Variants in AUTS2 observed in about 807,000 individuals in gnomAD.
The protein encoded by AUTS2 is autism susceptibility gene 2 protein.
Under a neutral mutation model 112.4 loss-of-function variants are expected in AUTS2, and 17 were observed. That is an observed-to-expected ratio of 0.15 (90% CI 0.10 to 0.23). AUTS2 has a LOEUF of 0.23. AUTS2 is among the 10% of genes least tolerant of loss of function. The pLI is 1.00. For missense variants in AUTS2, 1,510 were observed against 1,701.6 expected, an observed-to-expected ratio of 0.89 and a Z score of 1.98; for synonymous variants, 751 against 702.7, an observed-to-expected ratio of 1.07 and a Z score of -1.09.
intron 5 of AUTS2, among the ~76,000 whole-genome samples, chr7:70,453,000 C>A (rs1293727667): frequency 6.6e-6 from 1 of 152,176 alleles, no homozygotes; most frequent in African/African-American, 2.4e-5. Flanking sequence ...CCTCTCTCCT[C>A]CCCTGTCCCT....
chr7:70,747,537 C>T (rs1258418574), intron 6 of AUTS2, among the ~76,000 whole-genome samples: 1 of 152,180 alleles, frequency 6.6e-6, no homozygotes, highest in Non-Finnish European at 1.5e-5. Flanking sequence ...CAGCTCACTG[C>T]GGCCTCCACC....
chr7:69,620,562 T>C (rs1793608539), intron 1 of AUTS2, among the ~76,000 whole-genome samples: 1 of 152,226 alleles, frequency 6.6e-6, no homozygotes, highest in Admixed American at 6.5e-5. Context: ...ATTTCCTTTC[T>C]GGATTACCAT....
chr7:70,142,548 T>C (rs1456539097), intron 4 of AUTS2, among the ~76,000 whole-genome samples: 1 of 152,162 alleles, frequency 6.6e-6, no homozygotes, highest in Non-Finnish European at 1.5e-5. Context: ...TTGAAAGTAA[T>C]GTATTTTAAA....
intron 6 of AUTS2, among the ~76,000 whole-genome samples, chr7:70,756,000 TTCC>T (rs1040829109): frequency 3.3e-5 from 5 of 151,974 alleles, no homozygotes; most frequent in African/African-American, 9.7e-5. Flanking sequence ...TTTTGCACTT[TTCC>T]TCCTCCTCCT....
At position 70,136,448 on chromosome 7, in the gene AUTS2, TC is replaced by T. The variant is rs1233223321; in HGVS notation, c.660+1878del. Among the ~76,000 whole-genome samples, 10 of 152,322 alleles carry T rather than the reference TC, an allele frequency of 6.6e-5. No individual in the cohort carries two copies. The East Asian group carries it at 1.9e-3, about 29-fold the overall frequency. On this transcript the variant is annotated intron_variant, in intron 4 of 18. Transcript: ENST00000342771. ...TGCCCAGTCCTCATGAAAAGTATCT[TC>T]TATTTCAACTTTCTTTCCAATAGTA... is the stretch of plus-strand genomic sequence containing the variant.
intron 10 of AUTS2, among the ~76,000 whole-genome samples, chr7:70,769,995 T>C (rs1790234119): frequency 6.6e-6 from 1 of 152,192 alleles, no homozygotes; most frequent in South Asian, 2.1e-4. Flanking sequence ...AAAGCCCACC[T>C]GGAGGCAGAA....
intron 2 of AUTS2, among the ~76,000 whole-genome samples, chr7:70,043,303 A>G (rs1330552435): frequency 2.6e-5 from 4 of 152,152 alleles, no homozygotes; most frequent in African/African-American, 4.8e-5. Context: ...TGTAAGACTT[A>G]TCTCTGTGAG....
At chr7:69,613,185 C>A (rs976611319) in intron 1 of AUTS2, among the ~76,000 whole-genome samples, 1 of 152,218 alleles carries the variant, frequency 6.6e-6, no homozygotes, top group African/African-American at 2.4e-5. Context: ...TCCCTTTACT[C>A]ATTTTCATAC....
intron 6 of AUTS2, among the ~76,000 whole-genome samples, chr7:70,735,907 A>C (rs748248197): frequency 6.6e-6 from 1 of 152,176 alleles, no homozygotes; most frequent in Non-Finnish European, 1.5e-5. Context: ...AAGTTTATCC[A>C]AATTAATTTG....
At chr7:70,444,868 C>T (rs997207590) in intron 5 of AUTS2, among the ~76,000 whole-genome samples, 1 of 152,102 alleles carries the variant, frequency 6.6e-6, no homozygotes, top group Non-Finnish European at 1.5e-5. Flanking sequence ...TCAAGGAGCC[C>T]AGTTTGGGCT....
At chr7:70,147,513 A>C (rs73160193) in intron 4 of AUTS2, among the ~76,000 whole-genome samples, 12,564 of 152,110 alleles carry the variant, frequency 0.083, 673 homozygotes, top group African/African-American at 0.14. Flanking sequence ...CTTGTAAAAT[A>C]GTTTCCATGG....
chr7:69,730,489 T>TGAGG (rs953855882), intron 1 of AUTS2, among the ~76,000 whole-genome samples: 67 of 152,260 alleles, frequency 4.4e-4, no homozygotes, highest in Middle Eastern at 6.8e-3. Context: ...TGCTGTGCTA[T>TGAGG]GAGGAAAGGT....
At chr7:70,129,030 C>A (rs1012026666) in intron 3 of AUTS2, among the ~76,000 whole-genome samples, 6 of 152,142 alleles carry the variant, frequency 3.9e-5, no homozygotes, top group Non-Finnish European at 8.8e-5. Context: ...CAAATTATGT[C>A]ATTGTATTAG....
At chr7:70,067,683 A>G (rs540173525) in intron 2 of AUTS2, among the ~76,000 whole-genome samples, 2 of 152,232 alleles carry the variant, frequency 1.3e-5, no homozygotes, top group African/African-American at 4.8e-5. Context: ...CCATCTCTAC[A>G]AATAATTTAA....
chr7:70,539,216 A>G (rs762453987), intron 5 of AUTS2, among the ~76,000 whole-genome samples: 4 of 152,168 alleles, frequency 2.6e-5, no homozygotes, highest in East Asian at 1.9e-4. Flanking sequence ...ACCATCTCCA[A>G]TTGCTCTCTG....
intron 1 of AUTS2, among the ~76,000 whole-genome samples, chr7:69,796,201 G>A (rs969272304): frequency 7.2e-5 from 11 of 152,278 alleles, no homozygotes; most frequent in African/African-American, 2.4e-4. Context: ...AATTGAAGAC[G>A]GATGGAGTGG....
chr7:69,812,603 C>T (rs998375006), intron 1 of AUTS2, among the ~76,000 whole-genome samples: 3 of 152,140 alleles, frequency 2.0e-5, no homozygotes, highest in South Asian at 2.1e-4. Flanking sequence ...GCCCTTGGTG[C>T]GTCCGTTGCC....
chr7:70,508,275 G>A (rs1020417443), intron 5 of AUTS2, among the ~76,000 whole-genome samples: 3 of 152,080 alleles, frequency 2.0e-5, no homozygotes, highest in Non-Finnish European at 4.4e-5. Flanking sequence ...AAAAAGGAGG[G>A]GGGTAGGGAG....
chr7:70,096,391 G>T (rs1804200845), intron 2 of AUTS2, among the ~76,000 whole-genome samples: 1 of 151,896 alleles, frequency 6.6e-6, no homozygotes, highest in Non-Finnish European at 1.5e-5. Flanking sequence ...AAGGTCAGGA[G>T]TTGGAGACCA....
Sources: gnomAD v4.1 joint callset for allele counts (sites outside exome capture counted in the v4.1 genomes callset) on GRCh38, gnomAD v4.1.1 for gene constraint, MANE v1.5 for transcripts, NCBI Gene and HGNC (gene_info 2026-07-23, HGNC 2026-07-21) for gene names.